Variants in SAMD5 observed in about 807,000 individuals in gnomAD.
The protein encoded by SAMD5 is sterile alpha motif domain-containing protein 5.
SAMD5 carries 13 observed loss-of-function variants against 11.3 expected under a neutral mutation model. That is an observed-to-expected ratio of 1.15 (90% CI 0.75 to 1.83). SAMD5 has a LOEUF of 1.83. Among genes scored for constraint, SAMD5 ranks in the 40% most tolerant of loss-of-function variants. SAMD5 has a pLI of 0.00. For synonymous variants in SAMD5, 129 were observed against 111.3 expected, an observed-to-expected ratio of 1.16 and a Z score of -1.00; for missense variants, 255 against 239.1, an observed-to-expected ratio of 1.07 and a Z score of -0.44.
At chr6:147,820,528 T>C in the SAMD5 span, among the ~76,000 whole-genome samples, 2 of 152,188 alleles carry the variant, frequency 1.3e-5, no homozygotes, top group Non-Finnish European at 2.9e-5. Flanking sequence ...CAAATGCAAA[T>C]GGTAATGAGG....
In SAMD5 at chr6:147,719,438, C is replaced by T. The variant is rs144034464; in HGVS notation, c.163-17879C>T. Among the ~76,000 whole-genome samples, 33 of 152,226 alleles carry T rather than the reference C, an allele frequency of 2.2e-4. No individual in the cohort carries two copies. The East Asian group carries it at 6.0e-3, about 28-fold the overall frequency. On this transcript the variant is annotated intron_variant, in intron 1 of 1. Transcript: ENST00000566741. ...TCTTAGGCTCAAGAGAAACCAAAGG[C>T]GCAGCAGACATTCTAGCCTCATCAT... is the stretch of plus-strand genomic sequence containing the variant.
the SAMD5 span, among the ~76,000 whole-genome samples, chr6:147,827,132 C>T: frequency 2.0e-5 from 3 of 152,126 alleles, no homozygotes; most frequent in East Asian, 1.9e-4. Context: ...TTTCAGAATA[C>T]ATTTATGACA....
chr6:147,599,179 G>A (rs1789580182), intron 1 of SAMD5, among the ~76,000 whole-genome samples: 1 of 152,182 alleles, frequency 6.6e-6, no homozygotes, highest in African/African-American at 2.4e-5. Flanking sequence ...TGGAGTGATG[G>A]TAAAGAATGC....
At chr6:147,645,386 C>A (rs1467185286) in intron 1 of SAMD5, among the ~76,000 whole-genome samples, 1 of 152,176 alleles carries the variant, frequency 6.6e-6, no homozygotes, top group Non-Finnish European at 1.5e-5. Flanking sequence ...AAGCTCATTT[C>A]TCTAAGCCCA....
At chr6:147,666,237 G>T (rs1474289414) in intron 1 of SAMD5, among the ~76,000 whole-genome samples, 3 of 152,132 alleles carry the variant, frequency 2.0e-5, no homozygotes, top group African/African-American at 7.2e-5. Context: ...GCACCCGGCC[G>T]TTTTTTAAAA....
chr6:147,773,737 A>T, the SAMD5 span, among the ~76,000 whole-genome samples: 1 of 152,130 alleles, frequency 6.6e-6, no homozygotes, highest in East Asian at 1.9e-4. Flanking sequence ...CAATAGCATC[A>T]TATGGGGGAA....
chr6:147,737,984 A>T (rs1019467020), downstream of SAMD5, among the ~76,000 whole-genome samples: 1 of 152,110 alleles, frequency 6.6e-6, no homozygotes, highest in African/African-American at 2.4e-5. Context: ...AACAGTTAAG[A>T]TCTTTTGAGA....
At chr6:147,698,207 G>C (rs1249759654) in intron 1 of SAMD5, among the ~76,000 whole-genome samples, 13 of 152,056 alleles carry the variant, frequency 8.5e-5, no homozygotes, top group African/African-American at 2.2e-4. Flanking sequence ...CCACAGACCG[G>C]TACCTGTCTG....
chr6:147,809,339 G>A, the SAMD5 span, among the ~76,000 whole-genome samples: 1 of 152,082 alleles, frequency 6.6e-6, no homozygotes, highest in African/African-American at 2.4e-5. Flanking sequence ...GCCTGGGCAT[G>A]GTGACTCCAC....
chr6:147,879,511 A>T, the SAMD5 span, among the ~76,000 whole-genome samples: 1 of 152,346 alleles, frequency 6.6e-6, no homozygotes, highest in East Asian at 1.9e-4. Flanking sequence ...ATGATGTTTC[A>T]AAGGTGCCAA....
intron 1 of SAMD5, among the ~76,000 whole-genome samples, chr6:147,602,549 G>T (rs1789637768): frequency 6.6e-6 from 1 of 152,124 alleles, no homozygotes; most frequent in Admixed American, 6.6e-5. Context: ...TTCAAGACCA[G>T]CCTGGCCAAC....
chr6:147,906,178 T>G, the SAMD5 span, among the ~76,000 whole-genome samples: 20 of 152,208 alleles, frequency 1.3e-4, no homozygotes, highest in Admixed American at 1.3e-3. Flanking sequence ...ACCATAGATA[T>G]TTTTACTTGA....
In SAMD5 at chr6:147,564,303, G is replaced by C. The variant is rs1789000454; in HGVS notation, c.460-91G>C. The C allele has an allele frequency of 8.1e-6, 6 of 742,874 alleles. No individual in the cohort carries two copies. In the South Asian group the frequency reaches 8.9e-5, roughly 11 times the overall value. The allele number at this position is 742,874 out of a possible 1,614,324, so 46.0% of individuals were successfully genotyped here. A position where few individuals can be genotyped will look rare whatever the true frequency, so the allele number is the denominator to read the frequency against. On this transcript the variant is annotated intron_variant, in intron 1 of 1. Transcript: ENST00000367474. ...GTGGTAAGCAGAAAGGGACAAGAATGACTTAAAAATAGGAGCAGAAATCCA... is the reference window on the plus strand; with the variant it reads ...GTGGTAAGCAGAAAGGGACAAGAATCACTTAAAAATAGGAGCAGAAATCCA...
the SAMD5 span, among the ~76,000 whole-genome samples, chr6:147,877,314 CAAAGA>C: frequency 6.6e-6 from 1 of 152,064 alleles, no homozygotes; most frequent in Admixed American, 6.5e-5. Context: ...ATCCTGTAAT[CAAAGA>C]AATTCCAGGT....
chr6:147,775,401 C>T, the SAMD5 span, among the ~76,000 whole-genome samples: 1 of 152,138 alleles, frequency 6.6e-6, no homozygotes, highest in African/African-American at 2.4e-5. Flanking sequence ...TAGCACCAGG[C>T]TAAGCTTATT....
the SAMD5 span, among the ~76,000 whole-genome samples, chr6:147,893,704 G>A: frequency 1.3e-5 from 2 of 152,036 alleles, no homozygotes; most frequent in Middle Eastern, 3.2e-3. Flanking sequence ...GCTTATGAGT[G>A]CATTTCTTTT....
In SAMD5 at chr6:147,700,629, A is replaced by G. The variant is rs568493369; in HGVS notation, c.163-36688A>G. 7.2e-5 allele frequency among the ~76,000 whole-genome samples: 11 copies of G among 152,354 alleles called. No individual in the cohort carries two copies. The South Asian group carries it at 2.3e-3, about 32-fold the overall frequency. Reference sequence around the variant, plus strand: ...GTATAGCAGCAAACATCTGGCCCTGAATGATCATTCTGCTACACGTGGTGA... The same window carrying G: ...GTATAGCAGCAAACATCTGGCCCTGGATGATCATTCTGCTACACGTGGTGA... On this transcript the variant is annotated intron_variant, in intron 1 of 1. Transcript: ENST00000566741.
intron 1 of SAMD5, among the ~76,000 whole-genome samples, chr6:147,630,239 G>A (rs574796628): frequency 1.8e-4 from 27 of 152,032 alleles, no homozygotes; most frequent in Admixed American, 3.9e-4. Context: ...GTAAGCCACC[G>A]CACCCAGCCA....
the SAMD5 span, among the ~76,000 whole-genome samples, chr6:147,942,588 C>G: frequency 1.3e-5 from 2 of 152,110 alleles, no homozygotes; most frequent in African/African-American, 4.8e-5. Context: ...CTGTGGAAGC[C>G]CAGTGTCTCC....
Sources: gnomAD v4.1 joint callset for allele counts (sites outside exome capture counted in the v4.1 genomes callset) on GRCh38, gnomAD v4.1.1 for gene constraint, MANE v1.5 for transcripts, NCBI Gene and HGNC (gene_info 2026-07-23, HGNC 2026-07-21) for gene names.